The following MAPK10 variants were observed in gnomAD, a reference collection of about 807,000 sequenced individuals.
The protein encoded by MAPK10 is JNK3 alpha protein kinase.
A neutral mutation model predicts 59.3 loss-of-function variants in MAPK10; 25 were observed. The ratio of observed to expected loss-of-function variants is 0.42; its 90% CI spans 0.31 to 0.59. The LOEUF is 0.59. Among genes scored for constraint, MAPK10 ranks in the 20% least tolerant of loss-of-function variants. The pLI, the probability that MAPK10 is intolerant of heterozygous loss-of-function variation, is 0.15. For missense variants in MAPK10, 351 were observed against 568.9 expected (o/e 0.62, Z 3.90); for synonymous variants, 190 against 200.5 (o/e 0.95, Z 0.44).
rs1451993971 is a variant in MAPK10, at chr4:86,070,647, T to C, written c.803-2692A>G. ...ATGAGTGAGAATATGCGGTGTTTGGTTTTTTGTTCTTGCAATAGTTTACTG... is the reference window on the plus strand; with the variant it reads ...ATGAGTGAGAATATGCGGTGTTTGGCTTTTTGTTCTTGCAATAGTTTACTG... On this transcript the variant is annotated intron_variant, in intron 9 of 13. Coordinates refer to ENST00000641462, the MANE Select transcript of MAPK10 (RefSeq NM_138982.4). 2.0e-5 allele frequency among the ~76,000 whole-genome samples: 3 copies of C among 150,336 alleles called. No individual in the cohort carries two copies. In the Admixed American group the frequency reaches 2.0e-4, roughly 10 times the overall value.
intron 1 of MAPK10, among the ~76,000 whole-genome samples, chr4:86,470,545 ATCT>A (rs747078509): frequency 8.6e-5 from 13 of 152,036 alleles, no homozygotes; most frequent in African/African-American, 1.7e-4. Flanking sequence ...CTATTTCCTT[ATCT>A]TCTTAATTCA....
intron 13 of MAPK10, chr4:86,023,845 AT>A (rs1386974449): frequency 4.5e-4 from 61 of 134,526 alleles, no homozygotes; most frequent in Admixed American, 3.1e-3. Context: ...ATATATATAT[AT>A]ATATAAAATG....
chr4:86,256,790 G>T (rs1450294784), intron 2 of MAPK10, among the ~76,000 whole-genome samples: 1 of 137,528 alleles, frequency 7.3e-6, no homozygotes, highest in Non-Finnish European at 1.5e-5. Context: ...GCCCAGGCTG[G>T]AGTACAGTGG....
chr4:86,413,034 G>T (rs1208601629), intron 1 of MAPK10, among the ~76,000 whole-genome samples: 2 of 152,162 alleles, frequency 1.3e-5, no homozygotes, highest in African/African-American at 4.8e-5. Context: ...CCCTGTGTTT[G>T]TGGTTTTATC....
At chr4:86,328,615 T>C (rs1304885728) in intron 2 of MAPK10, among the ~76,000 whole-genome samples, 1 of 152,192 alleles carries the variant, frequency 6.6e-6, no homozygotes, top group African/African-American at 2.4e-5. Context: ...TGCCCATCAA[T>C]GATAGACTGG....
chr4:86,115,510 G>A (rs1159862276), intron 4 of MAPK10, among the ~76,000 whole-genome samples: 7 of 151,974 alleles, frequency 4.6e-5, no homozygotes, highest in African/African-American at 1.7e-4. Flanking sequence ...TGCCTAGAAT[G>A]GAGTCCAATG....
intron 1 of MAPK10, among the ~76,000 whole-genome samples, chr4:86,567,563 C>G (rs1245330747): frequency 6.6e-6 from 1 of 152,190 alleles, no homozygotes. Flanking sequence ...CAAAGTAGTA[C>G]TTAATCTACA....
chr4:86,307,307 T>A (rs2095586468), intron 2 of MAPK10, among the ~76,000 whole-genome samples: 1 of 152,174 alleles, frequency 6.6e-6, no homozygotes, highest in Non-Finnish European at 1.5e-5. Flanking sequence ...CCTTTCTGAT[T>A]TTGTACCTGA....
chr4:86,496,755 A>T lies in MAPK10; in HGVS notation c.-263+97155T>A, dbSNP rs963419191. ...AACAAATTTCTATTTTCCGATGACA[A>T]TTAATTTTTTCTGGTGAGTTAGAGG... On this transcript the variant is annotated intron_variant, in intron 1 of 4. Coordinates refer to the MAPK10 transcript ENST00000502302. Among the ~76,000 whole-genome samples, 4 of 152,306 alleles carry T rather than the reference A, an allele frequency of 2.6e-5. No individual in the cohort carries two copies. The South Asian group carries it at 8.3e-4, about 32-fold the overall frequency.
In MAPK10 at chr4:86,335,350, T is replaced by C. The variant is rs115283551; in HGVS notation, c.-7+19180A>G. The stretch of plus-strand genomic sequence containing the variant: ...CATTATATGAAACAAGTATAAGACA[T>C]TGGTATACAAACAATATGTGAAAAA... On this transcript the variant is annotated intron_variant, in intron 2 of 13. Transcript: ENST00000641462. Among the ~76,000 whole-genome samples the C allele has an allele frequency of 6.5e-3, 989 of 152,308 alleles. 13 individuals carry two copies. Among genetic ancestry groups the C allele is most frequent in the African/African-American group, 0.022 (929 of 41,578 alleles).
chr4:86,334,252 C>A, intron 2 of MAPK10, among the ~76,000 whole-genome samples: 1 of 152,124 alleles, frequency 6.6e-6, no homozygotes, highest in East Asian at 1.9e-4. Flanking sequence ...CAAATGCAAA[C>A]GAGTCCTGCA....
chr4:86,320,006 A>C (rs2095858826), intron 2 of MAPK10, among the ~76,000 whole-genome samples: 1 of 152,218 alleles, frequency 6.6e-6, no homozygotes, highest in Non-Finnish European at 1.5e-5. Flanking sequence ...CAGATGTTTC[A>C]AAAAGTTGTC....
At position 86,577,217 on chromosome 4, in the gene MAPK10, A is replaced by G. The variant is rs145174371; in HGVS notation, c.-263+16693T>C. 3.3e-3 allele frequency among the ~76,000 whole-genome samples: 509 copies of G among 152,178 alleles called. 1 individual carries two copies. The highest frequency in any genetic ancestry group is 0.012 in the African/African-American group (492 of 41,524). ...TACCAGCTGCTTGGGAGGCTGAGGTAGGAGGATTGCTTGAGCCTGGGAGGT... is the reference window on the plus strand; with the variant it reads ...TACCAGCTGCTTGGGAGGCTGAGGTGGGAGGATTGCTTGAGCCTGGGAGGT... On this transcript the variant is annotated intron_variant, in intron 1 of 4. Transcript: ENST00000502302.
intron 2 of MAPK10, among the ~76,000 whole-genome samples, chr4:86,248,825 A>G (rs918878608): frequency 7.2e-5 from 11 of 152,220 alleles, no homozygotes; most frequent in African/African-American, 2.4e-4. Context: ...GAGCTGCTGA[A>G]CTGCAATCTT....
At chr4:86,302,032 CAA>C (rs11284646) in intron 2 of MAPK10, among the ~76,000 whole-genome samples, 1 of 147,614 alleles carries the variant, frequency 6.8e-6, no homozygotes, top group Non-Finnish European at 1.5e-5. Context: ...TTTTTAAAAG[CAA>C]AAAAAAAAAT....
intron 1 of MAPK10, among the ~76,000 whole-genome samples, chr4:86,549,749 G>A (rs1759607409): frequency 6.6e-6 from 1 of 152,174 alleles, no homozygotes; most frequent in Admixed American, 6.5e-5. Context: ...GGAGGCCGAG[G>A]TGTGAGGATC....
intron 3 of MAPK10, among the ~76,000 whole-genome samples, chr4:86,165,401 A>G (rs2071285464): frequency 1.3e-5 from 2 of 152,082 alleles, no homozygotes; most frequent in South Asian, 2.1e-4. Context: ...TTTTAGAAAC[A>G]GGGTCTCGCT....
At chr4:86,243,448 C>T (rs1359011137) in intron 2 of MAPK10, among the ~76,000 whole-genome samples, 1 of 152,124 alleles carries the variant, frequency 6.6e-6, no homozygotes, top group Non-Finnish European at 1.5e-5. Flanking sequence ...TGAGTGAAAT[C>T]CAAAGCCCTC....
At chr4:86,281,862 T>A (rs897295331) in intron 2 of MAPK10, among the ~76,000 whole-genome samples, 21 of 151,886 alleles carry the variant, frequency 1.4e-4, no homozygotes, top group African/African-American at 5.1e-4. Context: ...AAAAAAAAAA[T>A]GGCTCATAGT....
Sources: allele counts gnomAD v4.1 joint callset (sites outside exome capture counted in the v4.1 genomes callset), GRCh38; gene constraint gnomAD v4.1.1; transcripts MANE v1.5; gene names NCBI Gene and HGNC (gene_info 2026-07-23, HGNC 2026-07-21).